Variants in NUCKS1 observed in about 807,000 individuals in gnomAD.
The protein encoded by NUCKS1 is nuclear ubiquitous casein and cyclin-dependent kinase substrate 1.
NUCKS1 carries 2 observed loss-of-function variants against 33.0 expected under a neutral mutation model. The ratio of observed to expected loss-of-function variants is 0.06; its 90% CI spans 0.02 to 0.19. The LOEUF (loss-of-function observed/expected upper bound fraction) is 0.19. Among genes scored for constraint, NUCKS1 ranks in the 10% least tolerant of loss-of-function variants. NUCKS1 has a pLI of 1.00. For missense variants in NUCKS1, 201 were observed against 293.6 expected (o/e 0.68, Z 2.31); for synonymous variants, 106 against 102.8 (o/e 1.03, Z -0.19).
At chr1:205,729,512 T>A in intron 2 of NUCKS1, 60 bp downstream of exon 2, 1 of 1,090,548 alleles carries the variant, frequency 9.2e-7, no homozygotes, top group Middle Eastern at 2.1e-4. Flanking sequence ...TAAAACTATA[T>A]AAGCTGGTAA....
chr1:205,729,506 A>G (rs746794073), intron 2 of NUCKS1, 66 bp downstream of exon 2: 17 of 1,037,026 alleles, frequency 1.6e-5, no homozygotes, highest in Non-Finnish European at 2.2e-5. Flanking sequence ...GCATAATAAA[A>G]CTATATAAGC....
intron 1 of NUCKS1, among the ~76,000 whole-genome samples, chr1:205,735,023 T>A (rs935982125): frequency 3.9e-5 from 6 of 152,234 alleles, no homozygotes; most frequent in Admixed American, 3.9e-4. Flanking sequence ...TGAAATACAT[T>A]TTTGATGAAT....
intron 1 of NUCKS1, among the ~76,000 whole-genome samples, chr1:205,737,402 T>A (rs1209467384): frequency 6.6e-6 from 1 of 152,226 alleles, no homozygotes; most frequent in Non-Finnish European, 1.5e-5. Flanking sequence ...CAGCACACCA[T>A]CAGTGTCCTC....
At chr1:205,746,029 T>A (rs1355506935) in intron 1 of NUCKS1, among the ~76,000 whole-genome samples, 2 of 152,190 alleles carry the variant, frequency 1.3e-5, no homozygotes, top group Non-Finnish European at 2.9e-5. Context: ...GGCGCGGTAG[T>A]TCACGCCTGT....
At position 205,749,839 on chromosome 1, in the gene NUCKS1, G is replaced by C; in HGVS notation, c.17+118C>G. On this transcript the variant is annotated intron_variant, in intron 1 of 6. Transcript: ENST00000367142. Reference sequence around the variant, plus strand: ...TCAAGGGTGCGCGCGGGCCCCGAAAGGGAGGAGGCCGCGCGCGGCACCGGG... The same window carrying C: ...TCAAGGGTGCGCGCGGGCCCCGAAACGGAGGAGGCCGCGCGCGGCACCGGG... 1.2e-5 allele frequency: 14 copies of C among 1,141,890 alleles called. 1 individual carries two copies. In the South Asian group the frequency reaches 1.6e-4, roughly 13 times the overall value. The allele number at this position is 1,141,890 out of a possible 1,614,324, so 70.7% of individuals were successfully genotyped here. A position where few individuals can be genotyped will look rare whatever the true frequency, so the allele number is the denominator to read the frequency against.
chr1:205,745,896 T>C (rs571029823), intron 1 of NUCKS1, among the ~76,000 whole-genome samples: 3 of 152,340 alleles, frequency 2.0e-5, no homozygotes, highest in Admixed American at 6.5e-5. Flanking sequence ...CAATGTTTGT[T>C]GAAAATGAAA....
rs1055412677 is a variant in NUCKS1 at position 205,719,670 on chromosome 1, G to C, written c.389C>G (p.Ser130Cys). 6.2e-7 allele frequency: 1 copy of C among 1,607,050 alleles called. No homozygotes were observed. Among genetic ancestry groups the C allele is most frequent in the Non-Finnish European group, 8.5e-7 (1 of 1,178,306 alleles). The part of the protein sequence containing the change: ...EDEAPFQEKD[S>C]GSDEDFLMED... ...CATTAGGAAATCTTCATCGCTGCCGGAATCTTCTGAGAAGAAAGAAGAATT... is the reference window on the plus strand; with the variant it reads ...CATTAGGAAATCTTCATCGCTGCCGCAATCTTCTGAGAAGAAAGAAGAATT... Residue 130 changes from serine (S) to cysteine (C), a missense_variant, in exon 6 of 7, where the codon TCC (serine) becomes TGC (cysteine). Physicochemically the swap from Ser to Cys is moderately radical, Grantham distance 112 (BLOSUM62 -1). Coordinates refer to ENST00000367142, the MANE Select transcript of NUCKS1 (RefSeq NM_022731.5).
Position 205,718,223 on chromosome 1 carries a change from TTTTCTTTTTTTTTC to T in NUCKS1, c.*43_*56del. ...TAGGTTCTTTTTTTTCCTCCCTCTTTTTTCTTTTTTTTTCTTTTTTTTTTTAATAAAATCTCTCC... is the reference window on the plus strand; with the variant it reads ...TAGGTTCTTTTTTTTCCTCCCTCTTTTTTTTTTTTTTAATAAAATCTCTCC... On this transcript the variant is annotated 3_prime_UTR_variant, in exon 7 of 7. Coordinates refer to ENST00000367142, the MANE Select transcript of NUCKS1 (RefSeq NM_022731.5). 1 of 595,574 alleles carries T rather than the reference TTTTCTTTTTTTTTC, an allele frequency of 1.7e-6. No individual in the cohort carries two copies. The highest frequency in any genetic ancestry group is 2.7e-6 in the Non-Finnish European group (1 of 374,874). 36.9% of individuals were successfully genotyped at this position (595,574 alleles called of 1,614,324 possible).
intron 1 of NUCKS1, among the ~76,000 whole-genome samples, chr1:205,744,876 C>A (rs576914303): frequency 6.6e-6 from 1 of 152,214 alleles, no homozygotes; most frequent in South Asian, 2.1e-4. Context: ...AGGTGATCTG[C>A]CCGCCTCAGC....
intron 4 of NUCKS1, among the ~76,000 whole-genome samples, chr1:205,721,677 T>TC (rs1399430355): frequency 1.1e-4 from 15 of 136,580 alleles, no homozygotes; most frequent in Non-Finnish European, 1.6e-4. Flanking sequence ...GTGGAAAACC[T>TC]TTTTTTTTTT....
rs780284745 is a variant in NUCKS1, at chr1:205,727,700, C to G, written c.173G>C (p.Ser58Thr). 3.7e-6 allele frequency: 6 copies of G among 1,602,196 alleles called. No homozygotes were observed. The highest frequency in any genetic ancestry group is 5.1e-6 in the Non-Finnish European group (6 of 1,169,478). The change falls in exon 3 of 7, where the codon AGT (serine) becomes ACT (threonine). Residue 58 changes from serine (S) to threonine (T), a missense_variant and splice_region_variant. Physicochemically the swap from Ser to Thr is moderately conservative, Grantham distance 58. Coordinates refer to ENST00000367142, the MANE Select transcript of NUCKS1 (RefSeq NM_022731.5). ...GGAACAGAAAAACAATGCCTCTTAC[C>G]TATCTTCCTGTGAATTCTTTCCAGA... ...RRSGKNSQEDSEDSEDKDVKT... is the reference protein window; with the variant it reads ...RRSGKNSQEDTEDSEDKDVKT...
At chr1:205,720,149 TG>T (rs1355343339) in intron 5 of NUCKS1, among the ~76,000 whole-genome samples, 2 of 152,310 alleles carry the variant, frequency 1.3e-5, no homozygotes, top group East Asian at 1.9e-4. Context: ...ATTATTAACA[TG>T]TTTTTTTCTG....
At chr1:205,718,667 A>G (rs1326356558) in intron 6 of NUCKS1, among the ~76,000 whole-genome samples, 188 bp from the exon 7 acceptor site, 3 of 152,226 alleles carry the variant, frequency 2.0e-5, no homozygotes, top group Non-Finnish European at 4.4e-5. Flanking sequence ...TAAACTGGTC[A>G]TAAGTTACTA....
chr1:205,718,458 C>G lies in NUCKS1; in HGVS notation c.554G>C (p.Gly185Ala). ...TGTGGGGCGACCCACTTTCCCTTTG[C>G]CTTTCACTGGACTTGGCGTCACTGA... ...KATVTPSPVK[G>A]KGKVGRPTAS... The change falls in exon 7 of 7, where the codon GGC becomes GCC. Residue 185 changes from glycine to alanine, a missense_variant. Gly to Ala is a moderately conservative substitution (Grantham distance 60). Transcript: ENST00000367142. 6.2e-7 allele frequency: 1 copy of G among 1,611,902 alleles called. No homozygotes were observed. The highest frequency in any genetic ancestry group is 1.3e-5 in the African/African-American group (1 of 74,884).
At position 205,714,716 on chromosome 1, in the gene NUCKS1, GT is replaced by G. The variant is rs1671794734; in HGVS notation, c.*3563del. The stretch of plus-strand genomic sequence containing the variant: ...TTCTAACCTCAAGAGCAACCAGCTT[GT>G]TACATTTTCCCTATCCTATGGCAGG... On this transcript the variant is annotated 3_prime_UTR_variant, in exon 7 of 7. Coordinates refer to ENST00000367142, the MANE Select transcript of NUCKS1 (RefSeq NM_022731.5). 1 of 152,084 alleles carries G rather than the reference GT, an allele frequency of 6.6e-6. No homozygotes were observed. Among genetic ancestry groups the G allele is most frequent in the Non-Finnish European group, 1.5e-5 (1 of 68,020 alleles). 9.4% of individuals were successfully genotyped at this position (152,084 alleles called of 1,614,324 possible). A position where few individuals can be genotyped will look rare whatever the true frequency, so the allele number is the denominator to read the frequency against.
chr1:205,738,858 C>T (rs1217102646), intron 1 of NUCKS1, among the ~76,000 whole-genome samples: 4 of 152,054 alleles, frequency 2.6e-5, no homozygotes, highest in Non-Finnish European at 5.9e-5. Context: ...CAGTGCGAGT[C>T]GAGATCACCA....
At chr1:205,726,824 C>T (rs1653792451) in intron 3 of NUCKS1, among the ~76,000 whole-genome samples, 2 of 152,190 alleles carry the variant, frequency 1.3e-5, no homozygotes, top group African/African-American at 4.8e-5. Context: ...ACATAATAAA[C>T]AGTAGCCATC....
intron 3 of NUCKS1, among the ~76,000 whole-genome samples, chr1:205,726,616 T>A (rs530814880): frequency 9.9e-5 from 15 of 152,224 alleles, no homozygotes; most frequent in Non-Finnish European, 1.9e-4. Context: ...AATAGTATTA[T>A]TTGGAAGTGG....
intron 4 of NUCKS1, 110 bp from the exon 5 acceptor site, chr1:205,720,763 A>C: frequency 9.5e-7 from 1 of 1,053,746 alleles, no homozygotes; most frequent in Non-Finnish European, 1.3e-6. Flanking sequence ...AAAGGCCAAC[A>C]CAGTGGCCAA....
Sources: gnomAD v4.1 joint callset for allele counts (sites outside exome capture counted in the v4.1 genomes callset) on GRCh38, gnomAD v4.1.1 for gene constraint, MANE v1.5 for transcripts, NCBI Gene and HGNC (gene_info 2026-07-23, HGNC 2026-07-21) for gene names.